Variants in RPTOR observed in about 807,000 individuals in gnomAD.
RPTOR encodes regulatory associated protein of MTOR complex 1, also known as regulatory-associated protein of mTOR.
A neutral mutation model predicts 169.9 loss-of-function variants in RPTOR; 21 were observed. That is an observed-to-expected ratio of 0.12 (90% confidence interval 0.09 to 0.18). The LOEUF is 0.18. Among genes scored for constraint, RPTOR ranks in the 10% least tolerant of loss-of-function variants. The probability of loss-of-function intolerance (pLI) is 1.00; values close to 1 mark genes in which losing one functional copy is unlikely to be tolerated. For synonymous variants in RPTOR, 732 were observed against 753.2 expected (o/e 0.97, Z 0.46); for missense variants, 1,133 against 1,855.9 (o/e 0.61, Z 7.16).
Position 80,654,177 on chromosome 17 carries a change from C to T in RPTOR, c.348+10367C>T, listed in dbSNP as rs7215872. ...GATGGTGGCCCCTAGGCCAGGGGGTCGCACCCTCACTTTGGGCTACAGTAG... is the reference window on the plus strand; with the variant it reads ...GATGGTGGCCCCTAGGCCAGGGGGTTGCACCCTCACTTTGGGCTACAGTAG... On this transcript the variant is annotated intron_variant, in intron 3 of 33. Coordinates refer to ENST00000306801, the MANE Select transcript of RPTOR (RefSeq NM_020761.3). 9.2e-3 allele frequency among the ~76,000 whole-genome samples: 1,398 copies of T among 152,322 alleles called. 35 individuals are homozygous for T. The highest frequency in any genetic ancestry group is 0.032 in the African/African-American group (1,327 of 41,580).
chr17:80,752,429 T>C (rs1390929648), intron 5 of RPTOR, among the ~76,000 whole-genome samples: 1 of 152,252 alleles, frequency 6.6e-6, no homozygotes, highest in Non-Finnish European at 1.5e-5. Flanking sequence ...AGCATTCTGT[T>C]TGGTGGAACT....
chr17:80,919,686 C>G (rs1438363230), intron 21 of RPTOR, among the ~76,000 whole-genome samples: 1 of 152,232 alleles, frequency 6.6e-6, no homozygotes, highest in South Asian at 2.1e-4. Flanking sequence ...CTCCATCTTC[C>G]AGGCGTGTTC....
At chr17:80,856,703 G>A (rs1598356258) in intron 12 of RPTOR, among the ~76,000 whole-genome samples, 1 of 152,176 alleles carries the variant, frequency 6.6e-6, no homozygotes. Flanking sequence ...TCCTGGAAAG[G>A]CCTGCGTGGT....
chr17:80,791,658 G>T (rs1000083754), intron 7 of RPTOR, 149 bp downstream of exon 7: 1 of 682,708 alleles, frequency 1.5e-6, no homozygotes, highest in African/African-American at 1.8e-5. Flanking sequence ...GATTAAGGCT[G>T]TGTTTGTGAT....
intron 5 of RPTOR, among the ~76,000 whole-genome samples, chr17:80,734,942 A>T (rs1598265882): frequency 6.6e-6 from 1 of 152,206 alleles, no homozygotes; most frequent in Non-Finnish European, 1.5e-5. Context: ...TTTGAAGCAC[A>T]CCAAAGTCTG....
intron 28 of RPTOR, among the ~76,000 whole-genome samples, chr17:80,954,858 A>G (rs960720362): frequency 6.6e-6 from 1 of 152,180 alleles, no homozygotes; most frequent in Non-Finnish European, 1.5e-5. Flanking sequence ...CGGAGGTTGC[A>G]GTGAGCCAAG....
In RPTOR at chr17:80,740,348, G is replaced by A. The variant is rs571444567; in HGVS notation, c.654+9642G>A. On this transcript the variant is annotated intron_variant, in intron 5 of 33. Coordinates refer to ENST00000306801, the MANE Select transcript of RPTOR (RefSeq NM_020761.3). Reference sequence around the variant, plus strand: ...ACTATTGCCAAATATTTAAAAAGAAGAAGCAGAACACCGGTTTTGTACAAG... The same window carrying A: ...ACTATTGCCAAATATTTAAAAAGAAAAAGCAGAACACCGGTTTTGTACAAG... Among the ~76,000 whole-genome samples, 3 of 152,280 alleles carry A rather than the reference G, an allele frequency of 2.0e-5. No individual in the cohort carries two copies. The East Asian group carries it at 5.8e-4, about 29-fold the overall frequency.
chr17:80,635,581 C>A (rs989491095), intron 2 of RPTOR, among the ~76,000 whole-genome samples: 22 of 152,084 alleles, frequency 1.4e-4, no homozygotes, highest in African/African-American at 5.3e-4. Flanking sequence ...GAAAGTGGAT[C>A]TGGTGGGAGA....
intron 17 of RPTOR, among the ~76,000 whole-genome samples, chr17:80,887,660 G>A (rs1190822277): frequency 6.6e-6 from 1 of 152,176 alleles, no homozygotes; most frequent in Non-Finnish European, 1.5e-5. Context: ...ACCCTCTGGG[G>A]TGGGAGAGAG....
At chr17:80,606,077 T>C (rs2065226519) in intron 1 of RPTOR, among the ~76,000 whole-genome samples, 2 of 152,078 alleles carry the variant, frequency 1.3e-5, no homozygotes, top group African/African-American at 2.4e-5. Context: ...AGTGGTGCGA[T>C]CTGGGCTCAC....
In RPTOR at chr17:80,845,467, G is replaced by T. The variant is rs113414872; in HGVS notation, c.1213-1006G>T. On this transcript the variant is annotated intron_variant, in intron 10 of 33. Coordinates refer to ENST00000306801, the MANE Select transcript of RPTOR (RefSeq NM_020761.3). The surrounding 1 kb of genome is among the most constrained non-coding windows in gnomAD (Gnocchi z 5.4). ...GCAGTCGCATGACCGCCTCTGCCGG[G>T]TCCTCCAGCCCTCCCCCTGCTTCTC... is the stretch of plus-strand genomic sequence containing the variant. Among the ~76,000 whole-genome samples, 4,889 of 152,116 alleles carry T rather than the reference G, an allele frequency of 0.032. 121 individuals are homozygous for T. Among genetic ancestry groups the T allele is most frequent in the East Asian group, 0.11 (563 of 5,158 alleles).
rs201296612 is a variant in RPTOR at position 80,960,045 on chromosome 17, G to A, written c.3478-33G>A. Reference sequence around the variant, plus strand: ...AGCAGGGAGGGTGGCTCGGTGCCCCGGTCTTCACCGGGCTGCCTGTGTTTG... The same window carrying A: ...AGCAGGGAGGGTGGCTCGGTGCCCCAGTCTTCACCGGGCTGCCTGTGTTTG... On this transcript the variant is annotated intron_variant, in intron 29 of 33. Transcript: ENST00000306801. The surrounding 1 kb of genome is among the most constrained non-coding windows in gnomAD (Gnocchi z 4.8). 2.5e-5 allele frequency: 40 copies of A among 1,605,786 alleles called. No homozygotes were observed. The highest frequency in any genetic ancestry group is 2.2e-4 in the Admixed American group (13 of 59,932).
At chr17:80,851,791 G>A (rs751851001) in intron 11 of RPTOR, among the ~76,000 whole-genome samples, 12 of 152,194 alleles carry the variant, frequency 7.9e-5, no homozygotes, top group Non-Finnish European at 1.8e-4. Context: ...CTAGTGTCCT[G>A]GTAAAACAGT....
chr17:80,825,626 A>G (rs2067433843), intron 9 of RPTOR, among the ~76,000 whole-genome samples: 1 of 152,196 alleles, frequency 6.6e-6, no homozygotes. Context: ...CTAGAGAATC[A>G]TGAGGTGATG....
rs1191319981 is a variant in RPTOR at position 80,545,257 on chromosome 17, C to G, written c.-373C>G. On this transcript the variant is annotated 5_prime_UTR_variant, in exon 1 of 34. Coordinates refer to ENST00000306801, the MANE Select transcript of RPTOR (RefSeq NM_020761.3). ...CTGCCTGTCTTCGGAACTGCTGAGG[C>G]GGTGGAGGCCGAGAGCAGGGTCATC... 1 of 240,212 alleles carries G rather than the reference C, an allele frequency of 4.2e-6. No individual in the cohort carries two copies. The highest frequency in any genetic ancestry group is 5.5e-5 in the Admixed American group (1 of 18,028). 14.9% of individuals were successfully genotyped at this position (240,212 alleles called of 1,614,324 possible). A position where few individuals can be genotyped will look rare whatever the true frequency, so the allele number is the denominator to read the frequency against.
chr17:80,838,794 C>T (rs1162207409), intron 10 of RPTOR, among the ~76,000 whole-genome samples: 1 of 152,220 alleles, frequency 6.6e-6, no homozygotes, highest in Non-Finnish European at 1.5e-5. Context: ...TGTCAGGCTC[C>T]AGAGCCACAG....
chr17:80,623,863 G>A (rs1375930528), intron 1 of RPTOR, among the ~76,000 whole-genome samples: 4 of 151,986 alleles, frequency 2.6e-5, no homozygotes, highest in Non-Finnish European at 5.9e-5. Context: ...AGGAACATTC[G>A]AATTATTTTC....
chr17:80,700,078 G>A (rs1053736509), intron 3 of RPTOR, among the ~76,000 whole-genome samples: 1 of 152,198 alleles, frequency 6.6e-6, no homozygotes, highest in Admixed American at 6.5e-5. Flanking sequence ...GAAAAGGTAG[G>A]AAGAAGGTTC....
chr17:80,807,805 C>T (rs1035158783), intron 7 of RPTOR, among the ~76,000 whole-genome samples: 2 of 152,082 alleles, frequency 1.3e-5, no homozygotes, highest in Non-Finnish European at 2.9e-5. Context: ...CCATTAACTG[C>T]CAGATAGTAT....
Sources: allele counts gnomAD v4.1 joint callset (sites outside exome capture counted in the v4.1 genomes callset), GRCh38; gene constraint gnomAD v4.1.1; non-coding constraint Gnocchi (gnomAD v3.1); transcripts MANE v1.5; gene names NCBI Gene and HGNC (gene_info 2026-07-23, HGNC 2026-07-21).